DIP2C: variants seen among roughly 807,000 people sequenced by gnomAD.
The protein encoded by DIP2C is DIP2 acetate--CoA ligase C (putative).
A neutral mutation model predicts 192.4 loss-of-function variants in DIP2C; 33 were observed. That is an observed-to-expected ratio of 0.17 (90% CI 0.13 to 0.23). The LOEUF (loss-of-function observed/expected upper bound fraction) is 0.23, where lower values mean the gene tolerates loss of function less well. Among genes scored for constraint, DIP2C ranks in the 10% least tolerant of loss-of-function variants. The pLI is 1.00. For synonymous variants in DIP2C, 979 were observed against 864.1 expected, an observed-to-expected ratio of 1.13 and a Z score of -2.33; for missense variants, 1,537 against 2,110.1, an observed-to-expected ratio of 0.73 and a Z score of 5.32.
chr10:649,784 T>C (rs1855738794), intron 1 of DIP2C, among the ~76,000 whole-genome samples: 1 of 152,254 alleles, frequency 6.6e-6, no homozygotes, highest in South Asian at 2.1e-4. Context: ...AATGATCCTC[T>C]ATGTATCCTA....
In DIP2C at chr10:616,875, T is replaced by C. The variant is rs76735579; in HGVS notation, c.85+72619A>G. Among the ~76,000 whole-genome samples the C allele has an allele frequency of 2.4e-3, 358 of 152,298 alleles. 1 individual carries two copies. The highest frequency in any genetic ancestry group is 7.7e-3 in the African/African-American group (321 of 41,552). On this transcript the variant is annotated intron_variant, in intron 1 of 36. Transcript: ENST00000280886. ...GTGGCCTCTACTCATTTGCAGGCTCTGAAAAGACAGATTCAGATAACAGGC... is the reference window on the plus strand; with the variant it reads ...GTGGCCTCTACTCATTTGCAGGCTCCGAAAAGACAGATTCAGATAACAGGC...
chr10:672,245 G>A (rs1231455946), intron 1 of DIP2C, among the ~76,000 whole-genome samples: 3 of 150,222 alleles, frequency 2.0e-5, no homozygotes, highest in South Asian at 2.1e-4. Flanking sequence ...ACAGATGCAC[G>A]GATGGAGGAA....
chr10:590,291 A>G (rs575227653), intron 1 of DIP2C, among the ~76,000 whole-genome samples: 2 of 152,372 alleles, frequency 1.3e-5, no homozygotes, highest in East Asian at 3.9e-4. Flanking sequence ...CTGAAATAGC[A>G]CAGCACCTTC....
intron 1 of DIP2C, among the ~76,000 whole-genome samples, chr10:534,897 C>T (rs928366099): frequency 1.6e-4 from 24 of 151,534 alleles, no homozygotes; most frequent in Admixed American, 2.0e-4. Flanking sequence ...AGGATGGTCT[C>T]GATCTCCTGA....
rs1163536585 is a variant in DIP2C, at chr10:418,027, T to C, written c.739+1038A>G. 9.6e-5 allele frequency among the ~76,000 whole-genome samples: 6 copies of C among 62,694 alleles called. 1 individual carries two copies. The highest frequency in any genetic ancestry group is 2.7e-4 in the Admixed American group (2 of 7,472). 41.1% of individuals were successfully genotyped at this position (62,694 alleles called of 152,430 possible). On this transcript the variant is annotated intron_variant, in intron 6 of 36. Coordinates refer to ENST00000280886, the MANE Select transcript of DIP2C (RefSeq NM_014974.3). ...CTGTCAGGGCGCGGACAGGCCTCCC[T>C]GTCCACCTGTTCCTGTCAGGGCTTC...
At chr10:309,146 A>G (rs970643221) in intron 32 of DIP2C, among the ~76,000 whole-genome samples, 2 of 152,170 alleles carry the variant, frequency 1.3e-5, no homozygotes, top group Non-Finnish European at 2.9e-5. Context: ...CAACGGGGGA[A>G]GTCTGCAGTA....
At chr10:323,393 C>CG (rs1276309435) in intron 31 of DIP2C, among the ~76,000 whole-genome samples, 13 of 118,614 alleles carry the variant, frequency 1.1e-4, no homozygotes, top group East Asian at 1.0e-3. Flanking sequence ...GTCGGGGGTG[C>CG]GGGGCTCCGG....
At chr10:675,129 C>A (rs2119047241) in intron 1 of DIP2C, among the ~76,000 whole-genome samples, 1 of 152,016 alleles carries the variant, frequency 6.6e-6, no homozygotes, top group South Asian at 2.1e-4. Context: ...TATAAATCAA[C>A]AACAAGAACT....
At chr10:658,887 T>G (rs1856575285) in intron 1 of DIP2C, among the ~76,000 whole-genome samples, 1 of 152,186 alleles carries the variant, frequency 6.6e-6, no homozygotes, top group Non-Finnish European at 1.5e-5. Context: ...CCATGCACTC[T>G]CTCCAGGAAC....
At chr10:437,320 C>G (rs1967343352) in intron 4 of DIP2C, among the ~76,000 whole-genome samples, 1 of 150,758 alleles carries the variant, frequency 6.6e-6, no homozygotes, top group Non-Finnish European at 1.5e-5. Context: ...GCTCTGAGCT[C>G]CACCTCCTGG....
At chr10:642,356 A>T (rs1855235413) in intron 1 of DIP2C, among the ~76,000 whole-genome samples, 1 of 152,168 alleles carries the variant, frequency 6.6e-6, no homozygotes, top group Admixed American at 6.5e-5. Flanking sequence ...CAGGGTTTGC[A>T]CTTCGAATGC....
intron 1 of DIP2C, among the ~76,000 whole-genome samples, chr10:648,883 G>A (rs1203123081): frequency 2.0e-5 from 3 of 150,524 alleles, no homozygotes; most frequent in Non-Finnish European, 4.4e-5. Flanking sequence ...ACATTTGAGG[G>A]TGGGAGAGAA....
intron 32 of DIP2C, among the ~76,000 whole-genome samples, chr10:305,310 T>G (rs530745719): frequency 4.9e-4 from 74 of 152,240 alleles, no homozygotes; most frequent in African/African-American, 1.6e-3. Context: ...CATGCATGTA[T>G]GCACAGCACA....
At chr10:320,237 A>C (rs1956947256) in intron 31 of DIP2C, among the ~76,000 whole-genome samples, 1 of 152,218 alleles carries the variant, frequency 6.6e-6, no homozygotes, top group South Asian at 2.1e-4. Flanking sequence ...GTATTTACAC[A>C]CACAGATTGG....
chr10:619,494 C>T (rs1020196659), intron 1 of DIP2C, among the ~76,000 whole-genome samples: 2 of 143,450 alleles, frequency 1.4e-5, no homozygotes, highest in Non-Finnish European at 3.1e-5. Context: ...CGCAGAATAT[C>T]GGGAGCACAG....
chr10:498,665 A>T (rs531938427), intron 1 of DIP2C, among the ~76,000 whole-genome samples: 105 of 152,206 alleles, frequency 6.9e-4, no homozygotes, highest in African/African-American at 2.4e-3. Context: ...TTCAATGAAG[A>T]AGTCAGCTCA....
chr10:474,330 G>A (rs1484343390), intron 2 of DIP2C, among the ~76,000 whole-genome samples: 4 of 152,112 alleles, frequency 2.6e-5, no homozygotes, highest in Non-Finnish European at 5.9e-5. Flanking sequence ...CAATGATTCT[G>A]GAGTTAATAT....
chr10:644,343 G>A (rs1024646545), intron 1 of DIP2C, among the ~76,000 whole-genome samples: 1 of 152,284 alleles, frequency 6.6e-6, no homozygotes, highest in African/African-American at 2.4e-5. Context: ...TCTGTTTAGT[G>A]AATTGTCTCC....
At chr10:429,947 G>C (rs536487895) in intron 4 of DIP2C, among the ~76,000 whole-genome samples, 3 of 152,220 alleles carry the variant, frequency 2.0e-5, no homozygotes, top group African/African-American at 7.2e-5. Context: ...ATTTAGTTTT[G>C]TAAGAAACCA....
Sources: allele counts gnomAD v4.1 joint callset (sites outside exome capture counted in the v4.1 genomes callset), GRCh38; gene constraint gnomAD v4.1.1; transcripts MANE v1.5; gene names NCBI Gene and HGNC (gene_info 2026-07-23, HGNC 2026-07-21).